SLC35F3: variants seen among roughly 807,000 people sequenced by gnomAD.
The protein encoded by SLC35F3 is solute carrier family 35 member F3.
In SLC35F3, 25 loss-of-function variants were observed where a neutral mutation model predicts 49.9. The observed-to-expected ratio is 0.50, with a 90% CI of 0.37 to 0.70. The LOEUF (loss-of-function observed/expected upper bound fraction) is 0.70, where lower values mean the gene tolerates loss of function less well. Ranked by LOEUF, SLC35F3 falls within the 30% of genes least tolerant of loss-of-function variation. The pLI is 0.00. For missense variants in SLC35F3, 525 were observed against 639.8 expected (o/e 0.82, Z 1.94); for synonymous variants, 275 against 265.4 (o/e 1.04, Z -0.35).
rs373946259 is a variant in SLC35F3, at chr1:233,956,812, G to C, written c.283+51054G>C. Among the ~76,000 whole-genome samples the C allele has an allele frequency of 2.6e-5, 4 of 152,334 alleles. No homozygotes were observed. In the East Asian group the frequency reaches 7.7e-4, roughly 29 times the overall value. On this transcript the variant is annotated intron_variant, in intron 2 of 7. Transcript: ENST00000366618. ...GGTGGGAGGTGAGAATGGCGGAGGC[G>C]GGTAAAGAACTGAAGCTGAACCCTA...
chr1:234,127,226 C>T (rs1049379585), intron 2 of SLC35F3, among the ~76,000 whole-genome samples: 15 of 152,220 alleles, frequency 9.9e-5, no homozygotes, highest in African/African-American at 3.1e-4. Context: ...TCTGTGCTCA[C>T]TTACCAATCT....
rs376529550 is a variant in SLC35F3 at position 234,149,442 on chromosome 1, CTGTT to C, written c.284-81972_284-81969del. Among the ~76,000 whole-genome samples the C allele has an allele frequency of 1.1e-4, 17 of 152,322 alleles. No individual in the cohort carries two copies. The South Asian group carries it at 2.1e-3, about 19-fold the overall frequency. On this transcript the variant is annotated intron_variant, in intron 2 of 7. Transcript: ENST00000366618. ...TAGAGCATGGTGATGTGCCTGCTGA[CTGTT>C]TGGGGATATTCCAAGTGGCTGTGAT... is the stretch of plus-strand genomic sequence containing the variant.
chr1:234,021,274 A>G (rs1352363150), intron 2 of SLC35F3, among the ~76,000 whole-genome samples: 1 of 152,214 alleles, frequency 6.6e-6, no homozygotes, highest in Non-Finnish European at 1.5e-5. Flanking sequence ...GAAGCTGGGC[A>G]GTAATGGAAG....
In SLC35F3 at chr1:233,957,034, T is replaced by A. The variant is rs1662716782; in HGVS notation, c.283+51276T>A. The stretch of plus-strand genomic sequence containing the variant: ...GCCACAGGAGCTAACCAGGACTGGA[T>A]CACAACTGCTCCCAGGTAAGTGAAG... On this transcript the variant is annotated intron_variant, in intron 2 of 7. Coordinates refer to ENST00000366618, the MANE Select transcript of SLC35F3 (RefSeq NM_173508.4). The surrounding 1 kb of genome is among the most constrained non-coding windows in gnomAD (Gnocchi z 4.0). 6.6e-6 allele frequency among the ~76,000 whole-genome samples: 1 copy of A among 152,198 alleles called. No individual in the cohort carries two copies.
chr1:233,987,179 A>G (rs1029418586), intron 2 of SLC35F3, among the ~76,000 whole-genome samples: 13 of 152,022 alleles, frequency 8.6e-5, no homozygotes, highest in Admixed American at 3.3e-4. Context: ...AATCTCAGCT[A>G]CTCCAGAGGC....
intron 2 of SLC35F3, among the ~76,000 whole-genome samples, chr1:234,181,072 G>C (rs968967667): frequency 6.6e-6 from 1 of 152,082 alleles, no homozygotes; most frequent in South Asian, 2.1e-4. Flanking sequence ...GCGGTGGCTG[G>C]ATTGTAATCC....
intron 3 of SLC35F3, among the ~76,000 whole-genome samples, chr1:234,302,720 T>A (rs576199680): frequency 8.5e-5 from 13 of 152,284 alleles, no homozygotes; most frequent in African/African-American, 1.9e-4. Flanking sequence ...GGTCTTTTCG[T>A]CTGTCTGGGC....
At chr1:234,051,298 G>T (rs950782006) in intron 2 of SLC35F3, among the ~76,000 whole-genome samples, 3 of 152,038 alleles carry the variant, frequency 2.0e-5, no homozygotes, top group African/African-American at 7.2e-5. Flanking sequence ...ATTTGTTTGT[G>T]TCCTCTTTTA....
chr1:234,310,646 A>G (rs1572147127), intron 4 of SLC35F3, among the ~76,000 whole-genome samples: 2 of 152,186 alleles, frequency 1.3e-5, no homozygotes, highest in South Asian at 2.1e-4. Flanking sequence ...CCACCCACCC[A>G]TGTCCTTCCT....
rs1441183281 is a variant in SLC35F3 at position 234,321,231 on chromosome 1, AGT to A, written c.1237+1047_1237+1048del. On this transcript the variant is annotated intron_variant, in intron 7 of 7. Transcript: ENST00000366618. ...AGAAGGACTGCCTCACAGCGGCGGCAGTGTACCAGGCCTGGGGGAGGTGTCAG... is the reference window on the plus strand; with the variant it reads ...AGAAGGACTGCCTCACAGCGGCGGCAGTACCAGGCCTGGGGGAGGTGTCAG... Among the ~76,000 whole-genome samples the A allele has an allele frequency of 2.6e-3, 403 of 152,278 alleles. 2 individuals are homozygous for A. Among genetic ancestry groups the A allele is most frequent in the African/African-American group, 9.3e-3 (387 of 41,564 alleles).
chr1:234,319,032 G>A (rs1166438391), intron 6 of SLC35F3, 89 bp downstream of exon 6: 3 of 1,099,406 alleles, frequency 2.7e-6, no homozygotes, highest in Non-Finnish European at 4.0e-6. Flanking sequence ...GCAGAAAACA[G>A]TGCTCTTTGC....
At chr1:234,109,464 A>G (rs1279251695) in intron 2 of SLC35F3, among the ~76,000 whole-genome samples, 1 of 152,164 alleles carries the variant, frequency 6.6e-6, no homozygotes, top group Non-Finnish European at 1.5e-5. Flanking sequence ...GGAGGGAGGA[A>G]ACCCCAGAGA....
chr1:234,113,707 AC>A (rs958033988), intron 2 of SLC35F3, among the ~76,000 whole-genome samples: 54 of 152,154 alleles, frequency 3.5e-4, no homozygotes, highest in African/African-American at 1.2e-3. Flanking sequence ...CACTAAAAAT[AC>A]AAAAATTAGC....
At chr1:234,052,554 T>A (rs570357564) in intron 2 of SLC35F3, among the ~76,000 whole-genome samples, 1 of 152,036 alleles carries the variant, frequency 6.6e-6, no homozygotes, top group Non-Finnish European at 1.5e-5. Context: ...CTTACTAGCG[T>A]TCTTTCAATT....
chr1:233,983,310 T>C (rs2102823150), intron 2 of SLC35F3, among the ~76,000 whole-genome samples: 1 of 152,262 alleles, frequency 6.6e-6, no homozygotes, highest in East Asian at 1.9e-4. Flanking sequence ...TATTACACAA[T>C]CCTTCATCGA....
At position 234,231,849 on chromosome 1, in the gene SLC35F3, C is replaced by A. The variant is rs1667383891; in HGVS notation, c.608+108C>A. On this transcript the variant is annotated intron_variant, in intron 3 of 7. Transcript: ENST00000366618. The surrounding 1 kb of genome is among the most constrained non-coding windows in gnomAD (Gnocchi z 5.4). ...AGGCGCTGGGATGAGCCGGTGGGAGCCCGTGGAGAGATGTTGCAGTGAATG... is the reference window on the plus strand; with the variant it reads ...AGGCGCTGGGATGAGCCGGTGGGAGACCGTGGAGAGATGTTGCAGTGAATG... The A allele has an allele frequency of 9.2e-7, 1 of 1,081,806 alleles. No homozygotes were observed. Among genetic ancestry groups the A allele is most frequent in the Non-Finnish European group, 1.4e-6 (1 of 739,500 alleles). The allele number at this position is 1,081,806 out of a possible 1,614,324, so 67.0% of individuals were successfully genotyped here. A position where few individuals can be genotyped will look rare whatever the true frequency, so the allele number is the denominator to read the frequency against.
At chr1:234,107,730 TA>T (rs937697404) in intron 2 of SLC35F3, among the ~76,000 whole-genome samples, 10 of 152,302 alleles carry the variant, frequency 6.6e-5, no homozygotes, top group African/African-American at 2.2e-4. Flanking sequence ...TCCTCAGCTA[TA>T]AAAGAAGTTT....
chr1:234,143,374 C>T (rs12082419), intron 2 of SLC35F3, among the ~76,000 whole-genome samples: 9,896 of 150,596 alleles, frequency 0.066, 532 homozygotes, highest in African/African-American at 0.14. Flanking sequence ...TTGCAATCTC[C>T]GCCTTCCAGG....
rs1301471127 is a variant in SLC35F3 at position 234,079,603 on chromosome 1, G to A, written c.284-151814G>A. On this transcript the variant is annotated intron_variant, in intron 2 of 7. Transcript: ENST00000366618. ...AAAAATGGGCAAAGGATTTAAGTAA[G>A]CATTTATCTCAAGAAGATACACAAA... Among the ~76,000 whole-genome samples the A allele has an allele frequency of 2.0e-5, 3 of 152,236 alleles. No individual in the cohort carries two copies. The East Asian group carries it at 5.8e-4, about 29-fold the overall frequency.
Sources: gnomAD v4.1 joint callset for allele counts (sites outside exome capture counted in the v4.1 genomes callset) on GRCh38, gnomAD v4.1.1 for gene constraint, Gnocchi (gnomAD v3.1) non-coding constraint, MANE v1.5 for transcripts, NCBI Gene and HGNC (gene_info 2026-07-23, HGNC 2026-07-21) for gene names.